Variants in CPA6 observed in about 807,000 individuals in gnomAD.
The protein encoded by CPA6 is carboxypeptidase B.
A neutral mutation model predicts 63.3 loss-of-function variants in CPA6; 58 were observed. The observed-to-expected ratio is 0.92, with a 90% confidence interval of 0.74 to 1.14. CPA6 has a LOEUF of 1.14. CPA6 is among the 50% of genes most tolerant of loss of function. The probability of loss-of-function intolerance (pLI) is 0.00; values close to 1 mark genes in which losing one functional copy is unlikely to be tolerated. For missense variants in CPA6, 565 were observed against 526.6 expected, an observed-to-expected ratio of 1.07 and a Z score of -0.71; for synonymous variants, 185 against 179.0, an observed-to-expected ratio of 1.03 and a Z score of -0.27.
At chr8:67,471,717 T>C (rs1811063708) in intron 8 of CPA6, among the ~76,000 whole-genome samples, 1 of 152,224 alleles carries the variant, frequency 6.6e-6, no homozygotes, top group South Asian at 2.1e-4. Context: ...ATCATTTACC[T>C]ACATCTGTGT....
At chr8:67,602,047 T>A (rs897313549) in intron 2 of CPA6, among the ~76,000 whole-genome samples, 11 of 152,200 alleles carry the variant, frequency 7.2e-5, no homozygotes, top group Non-Finnish European at 1.6e-4. Context: ...AGAAGCTTTT[T>A]AGATTTTGTT....
chr8:67,631,986 A>T (rs1427036745), intron 1 of CPA6, among the ~76,000 whole-genome samples: 1 of 152,074 alleles, frequency 6.6e-6, no homozygotes, highest in East Asian at 1.9e-4. Context: ...ACCTTTAAGA[A>T]CTGTAACACT....
intron 1 of CPA6, among the ~76,000 whole-genome samples, chr8:67,725,384 T>C (rs1408213281): frequency 6.6e-6 from 1 of 152,244 alleles, no homozygotes; most frequent in Non-Finnish European, 1.5e-5. Flanking sequence ...CAGTATATGC[T>C]GTTGTTGGTG....
intron 2 of CPA6, among the ~76,000 whole-genome samples, chr8:67,594,914 T>C (rs534168480): frequency 6.6e-6 from 1 of 152,236 alleles, no homozygotes; most frequent in Non-Finnish European, 1.5e-5. Context: ...TTTGCTCCAT[T>C]GCTGGTGAGG....
intron 2 of CPA6, among the ~76,000 whole-genome samples, chr8:67,594,506 C>T (rs1443607424): frequency 3.3e-5 from 5 of 152,206 alleles, no homozygotes; most frequent in Admixed American, 6.5e-5. Flanking sequence ...TTCTCCCCGT[C>T]ACTTTCAGGT....
intron 2 of CPA6, among the ~76,000 whole-genome samples, chr8:67,610,643 G>T (rs1587631659): frequency 6.6e-6 from 1 of 152,318 alleles, no homozygotes. Context: ...ATAACACTGT[G>T]AAGGGAACCA....
At chr8:67,705,448 C>A (rs747172182) in intron 1 of CPA6, among the ~76,000 whole-genome samples, 11 of 152,150 alleles carry the variant, frequency 7.2e-5, no homozygotes, top group Non-Finnish European at 1.3e-4. Context: ...CCGAATCCTG[C>A]CAGGTAATGG....
intron 5 of CPA6, among the ~76,000 whole-genome samples, chr8:67,508,906 TAA>T (rs34146020): frequency 6.6e-6 from 1 of 152,144 alleles, no homozygotes; most frequent in Admixed American, 6.5e-5. Flanking sequence ...TAGTTATAAA[TAA>T]AAGAGGTTTA....
intron 1 of CPA6, among the ~76,000 whole-genome samples, chr8:67,638,526 C>T (rs1442526979): frequency 6.6e-6 from 1 of 151,492 alleles, no homozygotes; most frequent in Non-Finnish European, 1.5e-5. Flanking sequence ...TCAAGTCACC[C>T]CTGCAGAACA....
chr8:67,624,185 A>C lies in CPA6; in HGVS notation c.183T>G (p.Tyr61Ter). The change falls in exon 2 of 11, where the codon TAT (tyrosine) becomes TAG (stop). Residue 61 changes from tyrosine to a stop codon, truncating the protein, a stop_gained. Coordinates refer to ENST00000297770, the MANE Select transcript of CPA6 (RefSeq NM_020361.5). LOFTEE classifies it high-confidence loss of function. Reference sequence around the variant, plus strand: ...GTAGATGTTCTATTACCTTAAGTTGATAGGATATTTTCTTCAGTGCATATG... The same window carrying C: ...GTAGATGTTCTATTACCTTAAGTTGCTAGGATATTTTCTTCAGTGCATATG... ...EEAYALKKIS[Y>*]QLKVDLWQPS... 1 of 1,546,618 alleles carries C rather than the reference A, an allele frequency of 6.5e-7. No individual in the cohort carries two copies.
chr8:67,713,735 C>A (rs1225954624), intron 1 of CPA6, among the ~76,000 whole-genome samples: 1 of 152,144 alleles, frequency 6.6e-6, no homozygotes, highest in Non-Finnish European at 1.5e-5. Context: ...TAAAGTGTTT[C>A]CAGCCTCCAA....
chr8:67,543,277 C>T (rs991355371), intron 2 of CPA6, among the ~76,000 whole-genome samples: 1 of 152,146 alleles, frequency 6.6e-6, no homozygotes, highest in African/African-American at 2.4e-5. Context: ...TTTTTGTTTT[C>T]CTCTGTGATG....
intron 1 of CPA6, among the ~76,000 whole-genome samples, chr8:67,645,323 A>G (rs1437236334): frequency 6.6e-6 from 1 of 152,202 alleles, no homozygotes; most frequent in African/African-American, 2.4e-5. Flanking sequence ...ACCTATTAAC[A>G]ACAAAATGCA....
At chr8:67,545,201 A>C (rs1812789712) in intron 2 of CPA6, among the ~76,000 whole-genome samples, 1 of 152,186 alleles carries the variant, frequency 6.6e-6, no homozygotes, top group South Asian at 2.1e-4. Context: ...TTTCATATAT[A>C]TGTTTTCAGA....
At chr8:67,437,799 A>G (rs569773114) in intron 8 of CPA6, among the ~76,000 whole-genome samples, 1 of 152,326 alleles carries the variant, frequency 6.6e-6, no homozygotes, top group South Asian at 2.1e-4. Context: ...GAAAAATGAA[A>G]GGGCATGAAA....
chr8:67,695,124 A>C (rs1317435146), intron 1 of CPA6, among the ~76,000 whole-genome samples: 1 of 152,076 alleles, frequency 6.6e-6, no homozygotes, highest in Admixed American at 6.5e-5. Context: ...AATCCACTTG[A>C]TTATTCATTA....
chr8:67,644,379 A>C (rs1291481987), intron 1 of CPA6, among the ~76,000 whole-genome samples: 2 of 152,120 alleles, frequency 1.3e-5, no homozygotes, highest in African/African-American at 4.8e-5. Context: ...CGGCCTCCCA[A>C]AGTGCTGGGA....
intron 1 of CPA6, among the ~76,000 whole-genome samples, chr8:67,698,517 A>G (rs1293613132): frequency 6.6e-6 from 1 of 152,230 alleles, no homozygotes; most frequent in East Asian, 1.9e-4. Flanking sequence ...TGACCAAGAA[A>G]GTTTGGGAAC....
At chr8:67,443,306 C>T (rs796822882) in intron 8 of CPA6, among the ~76,000 whole-genome samples, 14 of 152,218 alleles carry the variant, frequency 9.2e-5, no homozygotes, top group African/African-American at 1.4e-4. Flanking sequence ...GTGATCCACC[C>T]GCCTCAGCCT....
Sources: gnomAD v4.1 joint callset for allele counts (sites outside exome capture counted in the v4.1 genomes callset) on GRCh38, gnomAD v4.1.1 for gene constraint, MANE v1.5 for transcripts, NCBI Gene and HGNC (gene_info 2026-07-23, HGNC 2026-07-21) for gene names.